The following LYRM4 variants were observed in gnomAD, a reference collection of about 807,000 sequenced individuals.
LYRM4 encodes the protein LYR motif-containing protein 4.
In LYRM4, 9 loss-of-function variants were observed where a neutral mutation model predicts 11.7. That is an observed-to-expected ratio of 0.77 (90% CI 0.46 to 1.34). LYRM4 has a LOEUF of 1.34. Among genes scored for constraint, LYRM4 ranks in the 40% most tolerant of loss-of-function variants. LYRM4 has a pLI of 0.00. For synonymous variants in LYRM4, 42 were observed against 40.4 expected, an observed-to-expected ratio of 1.04 and a Z score of -0.15; for missense variants, 133 against 112.5, an observed-to-expected ratio of 1.18 and a Z score of -0.82.
chr6:5,219,545 A>T (rs1158050307), intron 1 of LYRM4, among the ~76,000 whole-genome samples: 2 of 152,150 alleles, frequency 1.3e-5, no homozygotes, highest in Non-Finnish European at 2.9e-5. Flanking sequence ...CAAAACTACT[A>T]CTGCATGAAG....
chr6:5,039,754 T>G, the LYRM4 span, among the ~76,000 whole-genome samples: 1 of 152,142 alleles, frequency 6.6e-6, no homozygotes, highest in East Asian at 1.9e-4. Context: ...ATTGAAAATC[T>G]GATCTAAAAT....
the LYRM4 span, among the ~76,000 whole-genome samples, chr6:5,046,196 C>T: frequency 6.6e-6 from 1 of 152,018 alleles, no homozygotes; most frequent in Admixed American, 6.6e-5. Flanking sequence ...TCCCACGCTG[C>T]AGTGCAGTGG....
At chr6:5,118,671 A>G (rs980399439) in intron 2 of LYRM4, among the ~76,000 whole-genome samples, 39 of 152,334 alleles carry the variant, frequency 2.6e-4, no homozygotes, top group African/African-American at 9.4e-4. Flanking sequence ...TATTTGTCAA[A>G]TAGACCATTT....
At chr6:5,222,209 A>T (rs1421979054) in intron 1 of LYRM4, among the ~76,000 whole-genome samples, 1 of 152,220 alleles carries the variant, frequency 6.6e-6, no homozygotes, top group Non-Finnish European at 1.5e-5. Context: ...TATTCAATAC[A>T]TGTTTAATGA....
At chr6:5,066,185 C>A in the LYRM4 span, 2 of 678,798 alleles carry the variant, frequency 2.9e-6, no homozygotes, top group East Asian at 3.3e-5. Flanking sequence ...GACGACCAAG[C>A]CTCCATGTGC....
intron 2 of LYRM4, among the ~76,000 whole-genome samples, chr6:5,119,960 T>C (rs571055827): frequency 6.6e-6 from 1 of 151,556 alleles, no homozygotes; most frequent in South Asian, 2.1e-4. Flanking sequence ...GAGTGCATGA[T>C]CTCGGCTCAC....
the LYRM4 span, among the ~76,000 whole-genome samples, chr6:5,094,539 G>C: frequency 2.5e-3 from 376 of 152,306 alleles, 1 homozygote; most frequent in African/African-American, 8.6e-3. Flanking sequence ...AACGTGCCTG[G>C]TGGAATATTA....
At chr6:5,164,767 A>G (rs1331093136) in intron 2 of LYRM4, among the ~76,000 whole-genome samples, 3 of 152,160 alleles carry the variant, frequency 2.0e-5, no homozygotes, top group Non-Finnish European at 2.9e-5. Context: ...CAGGAGTTTG[A>G]GACCAGCCTG....
downstream of LYRM4, chr6:5,104,152 C>G (rs1762590778): frequency 6.6e-6 from 1 of 152,556 alleles, no homozygotes; most frequent in African/African-American, 2.4e-5. Flanking sequence ...GAGAATCTCC[C>G]CCCACCAGCC....
In LYRM4 at chr6:5,213,197, G is replaced by A. The variant is rs1055284475; in HGVS notation, c.207+3421C>T. On this transcript the variant is annotated intron_variant, in intron 2 of 2. Transcript: ENST00000330636. ...AAGGAGCTAGAAGACCTGAGCTCAC[G>A]CCTGGCCATGTGGCCTTAGACAAGG... Among the ~76,000 whole-genome samples the A allele has an allele frequency of 2.6e-5, 4 of 152,188 alleles. No individual in the cohort carries two copies. The East Asian group carries it at 7.7e-4, about 29-fold the overall frequency.
chr6:5,174,726 A>G (rs1759622566), intron 2 of LYRM4, among the ~76,000 whole-genome samples: 1 of 152,190 alleles, frequency 6.6e-6, no homozygotes, highest in African/African-American at 2.4e-5. Context: ...AAGGTCCCCA[A>G]TACTAAATTA....
chr6:5,231,004 C>T (rs34512910), intron 1 of LYRM4, among the ~76,000 whole-genome samples: 7,452 of 152,160 alleles, frequency 0.049, 597 homozygotes, highest in African/African-American at 0.16. Context: ...AGGCCAGGTG[C>T]GGTGGCTCAC....
At chr6:5,222,764 G>GAAAAAAAAAAAAAAAA (rs56295961) in intron 1 of LYRM4, among the ~76,000 whole-genome samples, 1 of 139,964 alleles carries the variant, frequency 7.1e-6, no homozygotes, top group Admixed American at 7.1e-5. Flanking sequence ...AGCAAAACAA[G>GAAAAAAAAAAAAAAAA]AAAAAAAAAA....
Position 5,157,424 on chromosome 6 carries a change from C to A in LYRM4, c.208-47933G>T, listed in dbSNP as rs750963403. On this transcript the variant is annotated intron_variant, in intron 2 of 2. Coordinates refer to ENST00000330636, the MANE Select transcript of LYRM4 (RefSeq NM_020408.6). ...AGATCCACAGCAATTATTTCTCATA[C>A]AATTAGATATTCACAACCAGTGAAC... 2.0e-5 allele frequency among the ~76,000 whole-genome samples: 3 copies of A among 151,254 alleles called. No homozygotes were observed. In the East Asian group the frequency reaches 5.8e-4, roughly 29 times the overall value.
chr6:5,229,901 T>C lies in LYRM4; in HGVS notation c.87-13163A>G, dbSNP rs201913604. Reference sequence around the variant, plus strand: ...GGAGTATTTCTGCCCAGGCGTCCTTTCTGGTGCTTAATAACATTTAAGATC... The same window carrying C: ...GGAGTATTTCTGCCCAGGCGTCCTTCCTGGTGCTTAATAACATTTAAGATC... On this transcript the variant is annotated intron_variant, in intron 1 of 2. Transcript: ENST00000330636. Among the ~76,000 whole-genome samples the C allele has an allele frequency of 5.9e-5, 9 of 152,352 alleles. No individual in the cohort carries two copies. In the East Asian group the frequency reaches 1.5e-3, roughly 26 times the overall value.
intron 2 of LYRM4, among the ~76,000 whole-genome samples, chr6:5,211,728 T>C (rs781270242): frequency 2.0e-5 from 3 of 152,324 alleles, no homozygotes; most frequent in African/African-American, 7.2e-5. Flanking sequence ...TCCAAAACCC[T>C]ACCATTATCT....
Position 5,108,751 on chromosome 6 carries a change from G to A in LYRM4, c.*672C>T, listed in dbSNP as rs1762746424. The A allele has an allele frequency of 3.1e-6, 3 of 979,016 alleles. No homozygotes were observed. The highest frequency in any genetic ancestry group is 3.6e-6 in the Non-Finnish European group (3 of 823,630). 60.6% of individuals were successfully genotyped at this position (979,016 alleles called of 1,614,324 possible). A position where few individuals can be genotyped will look rare whatever the true frequency, so the allele number is the denominator to read the frequency against. ...TCACCAGGTGTGGGGAGGGGCTTGA[G>A]CCTGCATTTCCAGCAAATTCCCAGG... On this transcript the variant is annotated 3_prime_UTR_variant, in exon 3 of 3. Coordinates refer to ENST00000330636, the MANE Select transcript of LYRM4 (RefSeq NM_020408.6).
At chr6:5,128,384 G>A (rs188154516) in intron 2 of LYRM4, among the ~76,000 whole-genome samples, 13 of 152,244 alleles carry the variant, frequency 8.5e-5, no homozygotes, top group Admixed American at 5.9e-4. Context: ...CTGTGGCCTC[G>A]TAGATACAAA....
intron 2 of LYRM4, among the ~76,000 whole-genome samples, chr6:5,146,203 G>T (rs765920942): frequency 6.6e-6 from 1 of 152,086 alleles, no homozygotes. Flanking sequence ...CATGTTTCCC[G>T]TATTCAGTCC....
Sources: gnomAD v4.1 joint callset for allele counts (sites outside exome capture counted in the v4.1 genomes callset) on GRCh38, gnomAD v4.1.1 for gene constraint, MANE v1.5 for transcripts, NCBI Gene and HGNC (gene_info 2026-07-23, HGNC 2026-07-21) for gene names.